Variants in TBCK observed in about 807,000 individuals in gnomAD.
TBCK encodes TBC domain-containing protein kinase-like protein.
A neutral mutation model predicts 113.4 loss-of-function variants in TBCK; 99 were observed. The observed-to-expected ratio is 0.87, with a 90% CI of 0.74 to 1.03. The LOEUF is 1.03. TBCK is among the 50% of genes least tolerant of loss of function. The probability of loss-of-function intolerance (pLI) is 0.00; values close to 1 mark genes in which losing one functional copy is unlikely to be tolerated. For missense variants in TBCK, 1,045 were observed against 1,061.3 expected, an observed-to-expected ratio of 0.98 and a Z score of 0.21; for synonymous variants, 369 against 370.8, an observed-to-expected ratio of 1.00 and a Z score of 0.05.
chr4:106,266,048 A>T (rs1331792291), intron 3 of TBCK, among the ~76,000 whole-genome samples: 1 of 151,820 alleles, frequency 6.6e-6, no homozygotes, highest in Admixed American at 6.6e-5. Context: ...TGGGATAAAC[A>T]GAGTTTTCAT....
intron 1 of TBCK, among the ~76,000 whole-genome samples, chr4:106,311,571 T>C (rs1362706565): frequency 2.6e-5 from 4 of 152,068 alleles, no homozygotes. Context: ...AAAAAAATAC[T>C]CAGAATATGG....
chr4:106,092,455 A>T (rs1740386182), intron 25 of TBCK, among the ~76,000 whole-genome samples: 1 of 152,122 alleles, frequency 6.6e-6, no homozygotes, highest in African/African-American at 2.4e-5. Context: ...AGGGGGCAGC[A>T]CTCGTTGGGG....
At chr4:106,188,504 A>G (rs938271070) in intron 22 of TBCK, among the ~76,000 whole-genome samples, 18 of 152,174 alleles carry the variant, frequency 1.2e-4, no homozygotes, top group Admixed American at 2.0e-4. Flanking sequence ...ACACTGATCT[A>G]AACTATAAGA....
intron 25 of TBCK, among the ~76,000 whole-genome samples, chr4:106,094,315 TTGAA>T (rs1258720781): frequency 6.6e-6 from 1 of 152,170 alleles, no homozygotes; most frequent in African/African-American, 2.4e-5. Flanking sequence ...CAGAATTGAA[TTGAA>T]TGGAGGAATT....
intron 20 of TBCK, among the ~76,000 whole-genome samples, chr4:106,201,433 C>G (rs1754877095): frequency 6.6e-6 from 1 of 151,978 alleles, no homozygotes; most frequent in Non-Finnish European, 1.5e-5. Context: ...ATATTATTAG[C>G]TATTTCCTGA....
chr4:106,142,381 T>C (rs1747234990), intron 23 of TBCK, among the ~76,000 whole-genome samples: 1 of 152,196 alleles, frequency 6.6e-6, no homozygotes, highest in Admixed American at 6.5e-5. Flanking sequence ...TTATGTACCT[T>C]GCTTTATTAA....
At chr4:106,223,074 A>G (rs1757880057) in intron 19 of TBCK, among the ~76,000 whole-genome samples, 1 of 152,110 alleles carries the variant, frequency 6.6e-6, no homozygotes, top group Non-Finnish European at 1.5e-5. Context: ...CAGTCACATG[A>G]TACAAGATAT....
chr4:106,114,199 C>G (rs925838027), intron 24 of TBCK, among the ~76,000 whole-genome samples: 2 of 152,154 alleles, frequency 1.3e-5, no homozygotes, highest in African/African-American at 4.8e-5. Flanking sequence ...TGTAGGAGAT[C>G]AGTCAGGGTG....
chr4:106,261,790 AGAG>A (rs1299259579), intron 4 of TBCK, among the ~76,000 whole-genome samples: 2 of 152,078 alleles, frequency 1.3e-5, no homozygotes, highest in Admixed American at 1.3e-4. Flanking sequence ...AAATAAATTA[AGAG>A]GAGGAGTATA....
intron 24 of TBCK, among the ~76,000 whole-genome samples, chr4:106,107,239 A>G (rs1237733222): frequency 6.6e-6 from 1 of 152,180 alleles, no homozygotes; most frequent in Non-Finnish European, 1.5e-5. Flanking sequence ...GAAGCAGAAA[A>G]TTAACAAAGA....
At chr4:106,130,527 T>C (rs1052670865) in intron 23 of TBCK, among the ~76,000 whole-genome samples, 1 of 151,584 alleles carries the variant, frequency 6.6e-6, no homozygotes, top group South Asian at 2.1e-4. Flanking sequence ...ATATTATATA[T>C]TATCAAGGGA....
intron 19 of TBCK, among the ~76,000 whole-genome samples, chr4:106,213,178 G>A (rs1044505532): frequency 1.3e-5 from 2 of 152,174 alleles, no homozygotes; most frequent in African/African-American, 4.8e-5. Flanking sequence ...TTCAGAAAGT[G>A]TAGCAGATCC....
intron 20 of TBCK, among the ~76,000 whole-genome samples, chr4:106,199,500 C>T (rs1294439070): frequency 1.3e-5 from 2 of 151,996 alleles, no homozygotes; most frequent in Non-Finnish European, 2.9e-5. Flanking sequence ...GACCCTATTT[C>T]AGCTCCATCC....
chr4:106,309,749 A>G (rs1451376089), intron 1 of TBCK, among the ~76,000 whole-genome samples: 2 of 152,214 alleles, frequency 1.3e-5, no homozygotes, highest in East Asian at 3.8e-4. Context: ...AGTAAAGCTT[A>G]AACTAGATTA....
At chr4:106,311,482 CA>C (rs1561008630) in intron 1 of TBCK, among the ~76,000 whole-genome samples, 1 of 151,330 alleles carries the variant, frequency 6.6e-6, no homozygotes, top group Non-Finnish European at 1.5e-5. Flanking sequence ...TCATAAAACT[CA>C]AAAACAAAAA....
intron 19 of TBCK, among the ~76,000 whole-genome samples, chr4:106,228,662 T>A (rs1050283301): frequency 6.6e-6 from 1 of 152,070 alleles, no homozygotes; most frequent in Non-Finnish European, 1.5e-5. Flanking sequence ...GACACTTAGG[T>A]TGCTTCCAAA....
At chr4:106,165,463 A>G (rs1750254523) in intron 23 of TBCK, among the ~76,000 whole-genome samples, 1 of 151,644 alleles carries the variant, frequency 6.6e-6, no homozygotes, top group Non-Finnish European at 1.5e-5. Flanking sequence ...AGCCTCCCTA[A>G]TCCTTACTCT....
intron 19 of TBCK, among the ~76,000 whole-genome samples, chr4:106,217,404 G>A (rs1276940273): frequency 6.0e-4 from 92 of 152,176 alleles, no homozygotes; most frequent in African/African-American, 2.1e-3. Context: ...AGGGCATTCA[G>A]TTAGGAAAAG....
intron 23 of TBCK, among the ~76,000 whole-genome samples, chr4:106,125,026 T>C (rs1035301612): frequency 2.0e-5 from 3 of 150,162 alleles, no homozygotes; most frequent in Non-Finnish European, 4.4e-5. Flanking sequence ...CACAATGTGA[T>C]ATCATCTCAC....
Sources: allele counts gnomAD v4.1 joint callset (sites outside exome capture counted in the v4.1 genomes callset), GRCh38; gene constraint gnomAD v4.1.1; transcripts MANE v1.5; gene names NCBI Gene and HGNC (gene_info 2026-07-23, HGNC 2026-07-21).